Variants in NSD2 observed in about 807,000 individuals in gnomAD.
NSD2 encodes histone-lysine N-methyltransferase NSD2.
NSD2 carries 12 observed loss-of-function variants against 139.0 expected under a neutral mutation model. The observed-to-expected ratio is 0.09, with a 90% CI of 0.06 to 0.14. The LOEUF is 0.14. Among genes scored for constraint, NSD2 ranks in the 10% least tolerant of loss-of-function variants. NSD2 has a pLI of 1.00. For missense variants in NSD2, 1,155 were observed against 1,745.0 expected, an observed-to-expected ratio of 0.66 and a Z score of 6.02; for synonymous variants, 669 against 648.7, an observed-to-expected ratio of 1.03 and a Z score of -0.48.
chr4:1,906,862 T>C (rs1423976383), intron 3 of NSD2, among the ~76,000 whole-genome samples: 1 of 151,442 alleles, frequency 6.6e-6, no homozygotes, highest in Non-Finnish European at 1.5e-5. Context: ...GGTTTCACCA[T>C]ATTGGCCAGG....
intron 1 of NSD2, among the ~76,000 whole-genome samples, chr4:1,890,307 T>G (rs1021236960): frequency 4.7e-5 from 7 of 147,996 alleles, no homozygotes; most frequent in Middle Eastern, 3.4e-3. Flanking sequence ...TTGTTTTTTG[T>G]TTTTTTTTTG....
chr4:1,884,879 C>G (rs1465378637), intron 1 of NSD2, among the ~76,000 whole-genome samples: 7 of 151,870 alleles, frequency 4.6e-5, no homozygotes, highest in African/African-American at 1.7e-4. Flanking sequence ...GAGGCCGAGG[C>G]AGGCGGATCA....
chr4:1,951,354 C>G, intron 10 of NSD2, 151 bp downstream of exon 10: 1 of 1,130,070 alleles, frequency 8.8e-7, no homozygotes, highest in Non-Finnish European at 1.2e-6. Context: ...AGGGGTCAGA[C>G]TGACTCTCAG....
At chr4:1,941,315 G>C (rs1723071374) in intron 9 of NSD2, 1 of 1,055,084 alleles carries the variant, frequency 9.5e-7, no homozygotes, top group Admixed American at 5.4e-5. Context: ...CACTTGAGTT[G>C]TTGCTTATAC....
intron 11 of NSD2, 107 bp downstream of exon 11, chr4:1,952,338 C>T (rs556706105): frequency 5.8e-5 from 87 of 1,497,602 alleles, no homozygotes; most frequent in Non-Finnish European, 7.6e-5. Flanking sequence ...AAGCCCCCTC[C>T]CCACCCCCAC....
At position 1,872,611 on chromosome 4, in the gene NSD2, A is replaced by T. The variant is rs866887226; in HGVS notation, c.-30+1069A>T. Among the ~76,000 whole-genome samples, 688 of 142,774 alleles carry T rather than the reference A, an allele frequency of 4.8e-3. 4 individuals are homozygous for T. The highest frequency in any genetic ancestry group is 0.018 in the East Asian group (79 of 4,456). The allele number at this position is 142,774 out of a possible 152,430, so 93.7% of individuals were successfully genotyped here. ...GTGTGTGAGAGAGAGAGAGAGAGAGAGAGAGAGAGAGAGAGAGAGAGAGAG... is the reference window on the plus strand; with the variant it reads ...GTGTGTGAGAGAGAGAGAGAGAGAGTGAGAGAGAGAGAGAGAGAGAGAGAG... On this transcript the variant is annotated intron_variant, in intron 1 of 21. Transcript: ENST00000508803.
chr4:1,977,996 G>A (rs1001439059), intron 21 of NSD2, among the ~76,000 whole-genome samples: 21 of 151,286 alleles, frequency 1.4e-4, no homozygotes, highest in African/African-American at 5.1e-4. Flanking sequence ...TCGTGGTGGC[G>A]GGCGCCTGTA....
At chr4:1,904,411 T>A (rs752944788) in intron 3 of NSD2, 33 bp downstream of exon 3, 1 of 1,583,130 alleles carries the variant, frequency 6.3e-7, no homozygotes, top group Non-Finnish European at 8.6e-7. Flanking sequence ...TTTCCAACTT[T>A]CTCTTCTGCA....
intron 3 of NSD2, among the ~76,000 whole-genome samples, chr4:1,913,786 A>G (rs375178857): frequency 2.6e-5 from 4 of 152,186 alleles, no homozygotes; most frequent in African/African-American, 4.8e-5. Flanking sequence ...TCTTGGTGGT[A>G]GTGGTGTCCC....
chr4:1,918,382 T>A lies in NSD2; in HGVS notation c.1169T>A (p.Val390Glu). ...SEEAAENPKS[V>E]REECIPMKRR... ...GAAGCTGCTGAAAACCCCAAGTCTG[T>A]GAGAGAAGAGTGCATTCCCATGAAG... Residue 390 changes from valine to glutamate, a missense_variant, in exon 5 of 22, where the codon GTG becomes GAG. Around this residue, in one of 8 missense-constraint regions of NSD2, gnomAD observed 420 missense variants for 469.0 expected, o/e 0.90. Transcript: ENST00000508803. 2 of 1,614,064 alleles carry A rather than the reference T, an allele frequency of 1.2e-6. No individual in the cohort carries two copies. The highest frequency in any genetic ancestry group is 1.6e-4 in the Middle Eastern group (1 of 6,062).
At chr4:1,970,181 T>C (rs1726305674) in intron 18 of NSD2, among the ~76,000 whole-genome samples, 1 of 152,104 alleles carries the variant, frequency 6.6e-6, no homozygotes. Flanking sequence ...GTAAGTAGGA[T>C]TACTGGACGC....
chr4:1,889,895 T>C (rs1402553400), intron 1 of NSD2, among the ~76,000 whole-genome samples: 2 of 152,136 alleles, frequency 1.3e-5, no homozygotes, highest in African/African-American at 2.4e-5. Context: ...GTGTTTTTGG[T>C]ATGTTCAGTG....
At chr4:1,910,725 C>A (rs531040770) in intron 3 of NSD2, among the ~76,000 whole-genome samples, 2 of 152,278 alleles carry the variant, frequency 1.3e-5, no homozygotes, top group Non-Finnish European at 2.9e-5. Context: ...TGATTTGTTT[C>A]TTGCTTGTTC....
intron 11 of NSD2, among the ~76,000 whole-genome samples, chr4:1,952,578 A>C (rs1234004350): frequency 6.6e-6 from 1 of 152,222 alleles, no homozygotes; most frequent in Non-Finnish European, 1.5e-5. Flanking sequence ...CAGACAGTGC[A>C]GCATTAAGGG....
At chr4:1,928,490 A>G (rs1721224211) in intron 5 of NSD2, among the ~76,000 whole-genome samples, 1 of 152,172 alleles carries the variant, frequency 6.6e-6, no homozygotes, top group African/African-American at 2.4e-5. Flanking sequence ...CATACCATAC[A>G]GTTTCACCGT....
intron 9 of NSD2, chr4:1,945,299 G>C: frequency 9.4e-7 from 1 of 1,066,126 alleles, no homozygotes; most frequent in Non-Finnish European, 1.1e-6. Context: ...CACACCACAG[G>C]AAAGGAGGGA....
chr4:1,923,395 C>T (rs544288317), intron 5 of NSD2, among the ~76,000 whole-genome samples: 28 of 152,002 alleles, frequency 1.8e-4, no homozygotes, highest in South Asian at 4.2e-4. Flanking sequence ...TGTAAAGAGC[C>T]GAAACAATTC....
At chr4:1,918,775 C>G in intron 5 of NSD2, 152 bp downstream of exon 5, 1 of 1,051,718 alleles carries the variant, frequency 9.5e-7, no homozygotes, top group South Asian at 1.8e-5. Context: ...TAGGGAACAG[C>G]CATTCTGACC....
intron 1 of NSD2, among the ~76,000 whole-genome samples, chr4:1,873,653 C>A (rs573148109): frequency 9.8e-5 from 15 of 152,312 alleles, no homozygotes; most frequent in African/African-American, 3.6e-4. Flanking sequence ...TCTTCTCCTT[C>A]TAAAAGTAAT....
Sources: allele counts gnomAD v4.1 joint callset (sites outside exome capture counted in the v4.1 genomes callset), GRCh38; gene constraint gnomAD v4.1.1; regional missense constraint gnomAD v4.1.1; transcripts MANE v1.5; gene names NCBI Gene and HGNC (gene_info 2026-07-23, HGNC 2026-07-21).